The following RPS6KA2 variants were observed in gnomAD, a reference collection of about 807,000 sequenced individuals.
RPS6KA2 encodes ribosomal protein S6 kinase A2.
In RPS6KA2, 42 loss-of-function variants were observed where a neutral mutation model predicts 91.8. That is an observed-to-expected ratio of 0.46 (90% confidence interval 0.36 to 0.59). RPS6KA2 has a LOEUF of 0.59. Ranked by LOEUF, RPS6KA2 falls within the 20% of genes least tolerant of loss-of-function variation. The pLI is 0.00. For missense variants in RPS6KA2, 798 were observed against 978.5 expected (o/e 0.82, Z 2.46); for synonymous variants, 414 against 393.6 (o/e 1.05, Z -0.61).
rs1778828646 is a variant in RPS6KA2 at position 166,783,550 on chromosome 6, GCA to G, written c.123+74648_123+74649del. On this transcript the variant is annotated intron_variant, in intron 2 of 21. Coordinates refer to the RPS6KA2 transcript ENST00000503859. ...ATAGATACAAATGACATAGATATAT[GCA>G]TACATACATATCTAAAATTTCATAT... Among the ~76,000 whole-genome samples, 12 of 151,772 alleles carry G rather than the reference GCA, an allele frequency of 7.9e-5. No homozygotes were observed. The South Asian group carries it at 2.5e-3, about 31-fold the overall frequency.
Position 166,435,160 on chromosome 6 carries a change from T to C in RPS6KA2, c.1333-2670A>G, listed in dbSNP as rs1012895. On this transcript the variant is annotated intron_variant, in intron 14 of 20. Transcript: ENST00000265678. The surrounding 1 kb of genome is among the most constrained non-coding windows in gnomAD (Gnocchi z 4.3). The stretch of plus-strand genomic sequence containing the variant: ...ATTTTAAAGAATCTGGGACTACAGA[T>C]GGCTGCCCTCTCAACCCTAGTATCT... Among the ~76,000 whole-genome samples, 10,827 of 152,290 alleles carry C rather than the reference T, an allele frequency of 0.071. 1,275 individuals are homozygous for C. Among genetic ancestry groups the C allele is most frequent in the African/African-American group, 0.25 (10,259 of 41,510 alleles).
chr6:166,828,340 C>A lies in RPS6KA2; in HGVS notation c.123+29860G>T, dbSNP rs192831224. ...CCTTCCTCCCCAACTCCACACCCGC[C>A]ACCTTCCTGTGGGGACAGAATTCAG... On this transcript the variant is annotated intron_variant, in intron 2 of 21. Transcript: ENST00000503859. Among the ~76,000 whole-genome samples the A allele has an allele frequency of 5.4e-3, 816 of 152,368 alleles. 24 individuals are homozygous for A. Among genetic ancestry groups the A allele is most frequent in the Admixed American group, 0.044 (679 of 15,310 alleles).
At chr6:166,479,189 T>G (rs1273398401) in intron 10 of RPS6KA2, among the ~76,000 whole-genome samples, 1 of 152,230 alleles carries the variant, frequency 6.6e-6, no homozygotes, top group Non-Finnish European at 1.5e-5. Context: ...GGCCTTGCTG[T>G]TTGCTGTCAG....
chr6:166,484,606 A>T (rs1316707353), intron 10 of RPS6KA2, among the ~76,000 whole-genome samples: 2 of 152,344 alleles, frequency 1.3e-5, no homozygotes, highest in East Asian at 3.9e-4. Context: ...GAGGTGTTGT[A>T]GCCGCATTGC....
At chr6:166,686,091 G>A (rs1406171665) in intron 2 of RPS6KA2, among the ~76,000 whole-genome samples, 4 of 152,186 alleles carry the variant, frequency 2.6e-5, no homozygotes, top group African/African-American at 9.7e-5. Flanking sequence ...GAAGGATCGA[G>A]AATCTTATTT....
chr6:166,491,242 C>T (rs955351670), intron 8 of RPS6KA2, among the ~76,000 whole-genome samples: 1 of 152,202 alleles, frequency 6.6e-6, no homozygotes, highest in Admixed American at 6.5e-5. Context: ...CTGACGAGGA[C>T]AATATGGCAC....
intron 14 of RPS6KA2, among the ~76,000 whole-genome samples, chr6:166,441,137 C>T (rs560716648): frequency 2.6e-5 from 4 of 152,178 alleles, no homozygotes; most frequent in Admixed American, 6.5e-5. Context: ...AAAGCTGCCC[C>T]GTCTCCTTCC....
At chr6:166,816,877 C>G (rs1389360732) in intron 2 of RPS6KA2, among the ~76,000 whole-genome samples, 1 of 152,118 alleles carries the variant, frequency 6.6e-6, no homozygotes, top group East Asian at 1.9e-4. Context: ...CCACAGAGCA[C>G]CACTGACTGC....
chr6:166,415,939 C>T (rs574706687), intron 19 of RPS6KA2, among the ~76,000 whole-genome samples: 37 of 149,920 alleles, frequency 2.5e-4, no homozygotes, highest in African/African-American at 8.8e-4. Flanking sequence ...CCACCATTAC[C>T]CTCACCACAA....
chr6:166,769,144 T>C (rs1778398240), intron 2 of RPS6KA2, among the ~76,000 whole-genome samples: 1 of 152,126 alleles, frequency 6.6e-6, no homozygotes, highest in African/African-American at 2.4e-5. Context: ...GGCTGTGCCA[T>C]TGGCCCAATG....
At chr6:166,690,266 T>A (rs1249993925) in intron 2 of RPS6KA2, among the ~76,000 whole-genome samples, 1 of 152,230 alleles carries the variant, frequency 6.6e-6, no homozygotes, top group East Asian at 1.9e-4. Context: ...TGTCAAGCTG[T>A]CCTTACATCC....
At chr6:166,771,857 G>T (rs1483598589) in intron 2 of RPS6KA2, among the ~76,000 whole-genome samples, 1 of 152,150 alleles carries the variant, frequency 6.6e-6, no homozygotes, top group African/African-American at 2.4e-5. Flanking sequence ...CTTTGGGGCT[G>T]GCTTCTCCCG....
In RPS6KA2 at chr6:166,508,583, A is replaced by C. The variant is rs1240652900; in HGVS notation, c.380-301T>G. The stretch of plus-strand genomic sequence containing the variant: ...GGAATTGAAAGATACACGGGGAGAA[A>C]GATGTGAATATTTAAGCTGGTATCG... On this transcript the variant is annotated intron_variant, in intron 4 of 20. Coordinates refer to ENST00000265678, the MANE Select transcript of RPS6KA2 (RefSeq NM_021135.6). This position sits in a 1 kb window ranked among gnomAD's most constrained non-coding sequence, Gnocchi z 4.3. Among the ~76,000 whole-genome samples the C allele has an allele frequency of 1.3e-5, 2 of 152,078 alleles. No individual in the cohort carries two copies. The highest frequency in any genetic ancestry group is 2.9e-5 in the Non-Finnish European group (2 of 68,020).
chr6:166,769,923 C>T (rs1778420640), intron 2 of RPS6KA2, among the ~76,000 whole-genome samples: 1 of 152,222 alleles, frequency 6.6e-6, no homozygotes, highest in South Asian at 2.1e-4. Context: ...TCTCATAAGA[C>T]CTTTTTAACC....
chr6:166,623,327 C>T (rs1302000221), intron 1 of RPS6KA2, among the ~76,000 whole-genome samples: 1 of 152,224 alleles, frequency 6.6e-6, no homozygotes, highest in African/African-American at 2.4e-5. Context: ...TTTGGAGGTT[C>T]CACATCCCAT....
chr6:166,493,370 C>T lies in RPS6KA2; in HGVS notation c.748-2629G>A, dbSNP rs534640901. ...GTATGATTGTCTGAATGGAGCTGCC[C>T]GGGAACTTTCCAGTGCCGAAGCATT... On this transcript the variant is annotated intron_variant, in intron 8 of 20. Coordinates refer to ENST00000265678, the MANE Select transcript of RPS6KA2 (RefSeq NM_021135.6). This position sits in a 1 kb window ranked among gnomAD's most constrained non-coding sequence, Gnocchi z 4.7. Among the ~76,000 whole-genome samples the T allele has an allele frequency of 3.9e-5, 6 of 152,144 alleles. No individual in the cohort carries two copies. Among genetic ancestry groups the T allele is most frequent in the East Asian group, 3.9e-4 (2 of 5,168 alleles).
At chr6:166,663,892 C>A (rs1788239500) in intron 2 of RPS6KA2, among the ~76,000 whole-genome samples, 1 of 152,180 alleles carries the variant, frequency 6.6e-6, no homozygotes, top group Non-Finnish European at 1.5e-5. Flanking sequence ...ATGGCAAGAC[C>A]TGAGTTTAAG....
chr6:166,547,343 C>T (rs1562571247), intron 1 of RPS6KA2, among the ~76,000 whole-genome samples: 2 of 152,176 alleles, frequency 1.3e-5, no homozygotes, highest in African/African-American at 2.4e-5. Context: ...AAATGGTCCA[C>T]CAAATCCATG....
At chr6:166,672,565 T>G (rs1350756620) in intron 2 of RPS6KA2, among the ~76,000 whole-genome samples, 1 of 152,186 alleles carries the variant, frequency 6.6e-6, no homozygotes, top group Non-Finnish European at 1.5e-5. Flanking sequence ...CTTCAATTCT[T>G]TTTCTTGGTT....
Sources: allele counts gnomAD v4.1 joint callset (sites outside exome capture counted in the v4.1 genomes callset), GRCh38; gene constraint gnomAD v4.1.1; non-coding constraint Gnocchi (gnomAD v3.1); transcripts MANE v1.5; gene names NCBI Gene and HGNC (gene_info 2026-07-23, HGNC 2026-07-21).